Variants in UNC13C observed in about 807,000 individuals in gnomAD.
UNC13C encodes protein unc-13 homolog C.
Under a neutral mutation model 245.4 loss-of-function variants are expected in UNC13C, and 174 were observed. The observed-to-expected ratio is 0.71, with a 90% CI of 0.63 to 0.80. The LOEUF (loss-of-function observed/expected upper bound fraction) is 0.80, where lower values mean the gene tolerates loss of function less well. Among genes scored for constraint, UNC13C ranks in the 30% least tolerant of loss-of-function variants. UNC13C has a pLI of 0.00. For synonymous variants in UNC13C, 992 were observed against 895.1 expected (o/e 1.11, Z -1.93); for missense variants, 2,829 against 2,602.9 (o/e 1.09, Z -1.89).
intron 13 of UNC13C, among the ~76,000 whole-genome samples, chr15:54,301,765 T>C (rs1480905399): frequency 6.6e-6 from 1 of 152,170 alleles, no homozygotes; most frequent in Non-Finnish European, 1.5e-5. Context: ...GCATGAGTCT[T>C]TATAGTAGAA....
chr15:54,261,016 T>C (rs1398383933), intron 8 of UNC13C, among the ~76,000 whole-genome samples: 1 of 152,158 alleles, frequency 6.6e-6, no homozygotes, highest in Non-Finnish European at 1.5e-5. Context: ...CTGTCTAAGG[T>C]TGAATTATGG....
chr15:54,400,820 A>G (rs532298516), intron 18 of UNC13C, among the ~76,000 whole-genome samples: 47 of 152,326 alleles, frequency 3.1e-4, no homozygotes, highest in African/African-American at 1.1e-3. Context: ...TTACATATGT[A>G]TACATGTGCC....
chr15:54,133,827 C>T (rs1220408102), intron 2 of UNC13C, among the ~76,000 whole-genome samples: 2 of 152,046 alleles, frequency 1.3e-5, no homozygotes, highest in Admixed American at 1.3e-4. Flanking sequence ...CATATCTGTA[C>T]ATGTTTTATA....
intron 2 of UNC13C, among the ~76,000 whole-genome samples, chr15:54,078,376 A>G (rs1354773708): frequency 6.6e-6 from 1 of 152,146 alleles, no homozygotes; most frequent in Non-Finnish European, 1.5e-5. Context: ...GTTTAATCGA[A>G]TTTTAGTTCC....
chr15:54,264,286 C>G lies in UNC13C; in HGVS notation c.3567C>G (p.Ile1189Met). The G allele has an allele frequency of 6.2e-7, 1 of 1,600,458 alleles. No homozygotes were observed. The highest frequency in any genetic ancestry group is 1.1e-5 in the South Asian group (1 of 88,304). ...EKNRPEVFEV[I>M]QEMFQISKED... is the part of the protein sequence containing the mutation. ...ACCGGCCAGAAGTATTTGAAGTAAT[C>G]CAGGAAATGTTTCAGATTTCTAAAG... Residue 1189 changes from isoleucine to methionine, a missense_variant, in exon 9 of 33, where the codon ATC becomes ATG. Ile to Met is a conservative substitution (Grantham distance 10, BLOSUM62 1). Coordinates refer to ENST00000260323, the MANE Select transcript of UNC13C (RefSeq NM_001080534.3).
At chr15:54,394,748 A>C (rs1036027714) in intron 18 of UNC13C, among the ~76,000 whole-genome samples, 3 of 151,880 alleles carry the variant, frequency 2.0e-5, no homozygotes, top group African/African-American at 7.2e-5. Flanking sequence ...TTTACCAAGT[A>C]TCTTAAATCA....
chr15:54,165,894 A>G (rs2033147218), intron 4 of UNC13C, among the ~76,000 whole-genome samples: 1 of 151,846 alleles, frequency 6.6e-6, no homozygotes, highest in African/African-American at 2.4e-5. Flanking sequence ...AAAGGTCAAA[A>G]TGCATCTCAT....
intron 2 of UNC13C, among the ~76,000 whole-genome samples, chr15:54,030,592 T>C (rs1254315255): frequency 6.6e-6 from 1 of 152,232 alleles, no homozygotes; most frequent in Non-Finnish European, 1.5e-5. Context: ...CATCATCCTC[T>C]TCTTACCCCC....
chr15:54,229,213 T>C (rs2035480876), intron 4 of UNC13C, among the ~76,000 whole-genome samples: 1 of 152,234 alleles, frequency 6.6e-6, no homozygotes, highest in South Asian at 2.1e-4. Flanking sequence ...CCATGCCATG[T>C]GGTCACTGCC....
At chr15:53,945,676 G>A in the UNC13C span, among the ~76,000 whole-genome samples, 14 of 151,956 alleles carry the variant, frequency 9.2e-5, no homozygotes, top group African/African-American at 2.7e-4. Context: ...GTCAGGTAGC[G>A]TGATGCCACC....
intron 30 of UNC13C, among the ~76,000 whole-genome samples, chr15:54,597,482 T>C (rs1182430515): frequency 1.3e-5 from 2 of 152,130 alleles, no homozygotes; most frequent in African/African-American, 2.4e-5. Context: ...TGTGGTCCTC[T>C]GCTTATGAAC....
At chr15:54,101,798 C>G (rs1203752112) in intron 2 of UNC13C, among the ~76,000 whole-genome samples, 1 of 151,930 alleles carries the variant, frequency 6.6e-6, no homozygotes, top group Non-Finnish European at 1.5e-5. Context: ...ATTGGTCAGG[C>G]TGGTCTCGAA....
At chr15:54,276,404 G>A (rs1055347322) in intron 10 of UNC13C, among the ~76,000 whole-genome samples, 1 of 152,022 alleles carries the variant, frequency 6.6e-6, no homozygotes, top group Non-Finnish European at 1.5e-5. Context: ...ACAAATTCAA[G>A]ATGATATAAA....
At chr15:53,916,578 GC>G in the UNC13C span, among the ~76,000 whole-genome samples, 1 of 152,166 alleles carries the variant, frequency 6.6e-6, no homozygotes, top group Non-Finnish European at 1.5e-5. Context: ...AGAGCTGCTT[GC>G]ATCGTCGAGC....
rs190979104 is a variant in UNC13C, at chr15:54,103,717, T to G, written c.2984-39301T>G. Among the ~76,000 whole-genome samples the G allele has an allele frequency of 4.5e-4, 68 of 152,252 alleles. No individual in the cohort carries two copies. The East Asian group carries it at 0.012, about 28-fold the overall frequency. ...CCTATCAGACAACTCTCAATACTGT[T>G]TTCCAAACACATAGATCTTTTTATT... On this transcript the variant is annotated intron_variant, in intron 2 of 32. Transcript: ENST00000260323.
At chr15:54,400,069 T>C (rs1424399490) in intron 18 of UNC13C, among the ~76,000 whole-genome samples, 1 of 152,014 alleles carries the variant, frequency 6.6e-6, no homozygotes, top group Non-Finnish European at 1.5e-5. Flanking sequence ...GTTTTCACCT[T>C]CTTTTTCTTT....
At chr15:54,586,252 A>AG (rs1898485494) in intron 30 of UNC13C, among the ~76,000 whole-genome samples, 1 of 152,234 alleles carries the variant, frequency 6.6e-6, no homozygotes, top group Non-Finnish European at 1.5e-5. Context: ...CATGGAGAAC[A>AG]TATTAGTCAT....
intron 2 of UNC13C, among the ~76,000 whole-genome samples, chr15:54,056,288 A>G (rs1009182768): frequency 1.3e-5 from 2 of 152,220 alleles, no homozygotes; most frequent in Non-Finnish European, 2.9e-5. Flanking sequence ...TCAGAAAACC[A>G]TGGCACGAGA....
chr15:54,027,931 A>G lies in UNC13C; in HGVS notation c.2983+12045A>G, dbSNP rs551059951. 9.9e-5 allele frequency among the ~76,000 whole-genome samples: 15 copies of G among 152,214 alleles called. No homozygotes were observed. In the East Asian group the frequency reaches 2.5e-3, roughly 26 times the overall value. On this transcript the variant is annotated intron_variant, in intron 2 of 32. Transcript: ENST00000260323. The stretch of plus-strand genomic sequence containing the variant: ...ATAGAAGCGCCTTCTTCCCACCCCT[A>G]TCAGCCATGCCTTGAGCACATGTCA...
Sources: gnomAD v4.1 joint callset for allele counts (sites outside exome capture counted in the v4.1 genomes callset) on GRCh38, gnomAD v4.1.1 for gene constraint, MANE v1.5 for transcripts, NCBI Gene and HGNC (gene_info 2026-07-23, HGNC 2026-07-21) for gene names.